The following ANKS1B variants were observed in gnomAD, a reference collection of about 807,000 sequenced individuals.
The protein encoded by ANKS1B is ankyrin repeat and sterile alpha motif domain containing 1B.
A neutral mutation model predicts 148.3 loss-of-function variants in ANKS1B; 36 were observed. The observed-to-expected ratio is 0.24, with a 90% CI of 0.19 to 0.32. The LOEUF is 0.32. Among genes scored for constraint, ANKS1B ranks in the 10% least tolerant of loss-of-function variants. ANKS1B has a pLI of 1.00. For synonymous variants in ANKS1B, 542 were observed against 560.8 expected, an observed-to-expected ratio of 0.97 and a Z score of 0.47; for missense variants, 1,157 against 1,542.6, an observed-to-expected ratio of 0.75 and a Z score of 4.19.
rs11110012 is a variant in ANKS1B at position 99,711,543 on chromosome 12, C to T, written c.1129-56333G>A. Among the ~76,000 whole-genome samples the T allele has an allele frequency of 2.6e-3, 401 of 152,042 alleles. 9 individuals carry two copies. In the East Asian group the frequency reaches 0.062, roughly 24 times the overall value. On this transcript the variant is annotated intron_variant, in intron 8 of 26. Coordinates refer to ENST00000683438, the MANE Select transcript of ANKS1B (RefSeq NM_001352186.2). ...ACCACATTTAAAAGTGGGCAAAGAACGTGAACACTTTCCTAAAGAAGATAT... is the reference window on the plus strand; with the variant it reads ...ACCACATTTAAAAGTGGGCAAAGAATGTGAACACTTTCCTAAAGAAGATAT...
intron 24 of ANKS1B, among the ~76,000 whole-genome samples, chr12:98,778,889 T>C (rs2098706724): frequency 6.6e-6 from 1 of 152,190 alleles, no homozygotes; most frequent in Non-Finnish European, 1.5e-5. Flanking sequence ...ACACTCTCCC[T>C]ACCCACTGTC....
chr12:99,787,208 G>A (rs2065096286), intron 4 of ANKS1B, among the ~76,000 whole-genome samples: 1 of 152,042 alleles, frequency 6.6e-6, no homozygotes, highest in African/African-American at 2.4e-5. Flanking sequence ...ATGTGTCATG[G>A]GAGAGACCGG....
chr12:98,862,817 C>T (rs574069929), intron 17 of ANKS1B, among the ~76,000 whole-genome samples: 1 of 152,292 alleles, frequency 6.6e-6, no homozygotes, highest in African/African-American at 2.4e-5. Context: ...ATATATTATA[C>T]ACATTCAGGG....
intron 12 of ANKS1B, among the ~76,000 whole-genome samples, chr12:99,247,597 A>G (rs757692122): frequency 6.6e-6 from 1 of 152,206 alleles, no homozygotes; most frequent in Non-Finnish European, 1.5e-5. Flanking sequence ...CAGATCTTTG[A>G]AGATGTAATG....
intron 14 of ANKS1B, among the ~76,000 whole-genome samples, chr12:99,224,376 G>C (rs1461456980): frequency 6.6e-6 from 1 of 152,124 alleles, no homozygotes; most frequent in African/African-American, 2.4e-5. Flanking sequence ...AGGGTCGACT[G>C]GGAGGTGACT....
At chr12:99,480,504 T>C (rs891913984) in intron 10 of ANKS1B, among the ~76,000 whole-genome samples, 2 of 151,916 alleles carry the variant, frequency 1.3e-5, no homozygotes, top group Non-Finnish European at 1.5e-5. Flanking sequence ...ATTTCTTTGA[T>C]GTAAATTTTA....
At chr12:99,377,100 C>T (rs554243788) in intron 12 of ANKS1B, among the ~76,000 whole-genome samples, 2 of 152,072 alleles carry the variant, frequency 1.3e-5, no homozygotes, top group East Asian at 3.9e-4. Flanking sequence ...TTCCGCCTCC[C>T]AGGTTCAAGC....
At chr12:99,292,922 C>T (rs1301024386) in intron 12 of ANKS1B, among the ~76,000 whole-genome samples, 2 of 152,108 alleles carry the variant, frequency 1.3e-5, no homozygotes, top group Non-Finnish European at 2.9e-5. Flanking sequence ...ATTAGTTCAA[C>T]CATTGTGGAA....
At chr12:99,316,702 T>C (rs895299225) in intron 12 of ANKS1B, among the ~76,000 whole-genome samples, 4 of 152,214 alleles carry the variant, frequency 2.6e-5, no homozygotes, top group Admixed American at 6.5e-5. Flanking sequence ...TTTTGGCTTT[T>C]GTTGCCATTG....
chr12:98,958,872 AAT>A (rs2099866642), intron 17 of ANKS1B, among the ~76,000 whole-genome samples: 1 of 152,230 alleles, frequency 6.6e-6, no homozygotes, highest in Non-Finnish European at 1.5e-5. Flanking sequence ...TAGATGTATC[AAT>A]GAGACATTTC....
In ANKS1B at chr12:99,257,193, G is replaced by A. The variant is rs930081235; in HGVS notation, c.1757-10329C>T. Among the ~76,000 whole-genome samples the A allele has an allele frequency of 4.3e-4, 65 of 152,000 alleles. 1 individual carries two copies. Among genetic ancestry groups the A allele is most frequent in the Admixed American group, 1.2e-3 (19 of 15,292 alleles). ...CGGGAGGCGGAGCTTGCAGTGAGCC[G>A]AGATGGTGCCACTGCACTCCAGCCG... On this transcript the variant is annotated intron_variant, in intron 12 of 26. Transcript: ENST00000683438.
At chr12:98,898,251 G>T (rs1029560077) in intron 17 of ANKS1B, among the ~76,000 whole-genome samples, 3 of 152,134 alleles carry the variant, frequency 2.0e-5, no homozygotes, top group African/African-American at 7.2e-5. Flanking sequence ...ATTACAGTCT[G>T]GAAATTAACT....
chr12:99,004,026 T>C (rs953141971), intron 17 of ANKS1B, among the ~76,000 whole-genome samples: 2 of 152,146 alleles, frequency 1.3e-5, no homozygotes, highest in African/African-American at 4.8e-5. Flanking sequence ...AAAAATGCAG[T>C]TGACAGATGA....
At chr12:99,824,529 T>A (rs1447575500) in intron 2 of ANKS1B, among the ~76,000 whole-genome samples, 4 of 150,208 alleles carry the variant, frequency 2.7e-5, no homozygotes, top group Non-Finnish European at 4.4e-5. Context: ...AATGAAATGA[T>A]ACAGATCTGG....
At chr12:99,102,591 A>G (rs1164081925) in intron 15 of ANKS1B, among the ~76,000 whole-genome samples, 1 of 152,150 alleles carries the variant, frequency 6.6e-6, no homozygotes, top group Admixed American at 6.5e-5. Context: ...AAAAAATAAA[A>G]AAGTTAGCTG....
chr12:98,887,912 A>C (rs764290802), intron 17 of ANKS1B, among the ~76,000 whole-genome samples: 2 of 152,204 alleles, frequency 1.3e-5, no homozygotes, highest in Admixed American at 6.5e-5. Flanking sequence ...CAATAAAATA[A>C]ATTTTAATAA....
intron 17 of ANKS1B, among the ~76,000 whole-genome samples, chr12:99,045,436 T>C (rs1005603198): frequency 6.6e-6 from 1 of 152,190 alleles, no homozygotes; most frequent in Non-Finnish European, 1.5e-5. Flanking sequence ...GTCATTCCGC[T>C]TATTAAAATC....
chr12:99,629,689 T>C (rs1419455884), intron 9 of ANKS1B, among the ~76,000 whole-genome samples: 3 of 152,162 alleles, frequency 2.0e-5, no homozygotes, highest in African/African-American at 7.2e-5. Context: ...CTTGGAGATA[T>C]TAAAATAAGA....
chr12:98,749,822 G>A (rs1458949982), intron 26 of ANKS1B, among the ~76,000 whole-genome samples: 1 of 152,194 alleles, frequency 6.6e-6, no homozygotes, highest in Non-Finnish European at 1.5e-5. Flanking sequence ...CTGGGGCGAG[G>A]TGGCAGTGGC....
Sources: allele counts gnomAD v4.1 joint callset (sites outside exome capture counted in the v4.1 genomes callset), GRCh38; gene constraint gnomAD v4.1.1; transcripts MANE v1.5; gene names NCBI Gene and HGNC (gene_info 2026-07-23, HGNC 2026-07-21).